The following DPYSL2 variants were observed in gnomAD, a reference collection of about 807,000 sequenced individuals.
The protein encoded by DPYSL2 is dihydropyrimidinase-related protein 2.
A neutral mutation model predicts 69.9 loss-of-function variants in DPYSL2; 13 were observed. That is an observed-to-expected ratio of 0.19 (90% CI 0.12 to 0.30). The LOEUF is 0.30. Ranked by LOEUF, DPYSL2 falls within the 10% of genes least tolerant of loss-of-function variation. The probability of loss-of-function intolerance (pLI) is 1.00; values close to 1 mark genes in which losing one functional copy is unlikely to be tolerated. For missense variants in DPYSL2, 587 were observed against 918.9 expected (o/e 0.64, Z 4.67); for synonymous variants, 326 against 359.1 (o/e 0.91, Z 1.04).
chr8:26,573,155 T>G (rs1801267169), intron 1 of DPYSL2, among the ~76,000 whole-genome samples: 1 of 152,240 alleles, frequency 6.6e-6, no homozygotes, highest in Non-Finnish European at 1.5e-5. Flanking sequence ...AATAAGCTGT[T>G]AATAATAACA....
At chr8:26,633,120 A>G (rs1802817774) in intron 7 of DPYSL2, among the ~76,000 whole-genome samples, 2 of 152,226 alleles carry the variant, frequency 1.3e-5, no homozygotes, top group African/African-American at 4.8e-5. Flanking sequence ...CCTAGACTGA[A>G]ATACCATGAA....
chr8:26,607,776 G>A (rs1802137999), intron 3 of DPYSL2, among the ~76,000 whole-genome samples: 2 of 150,006 alleles, frequency 1.3e-5, no homozygotes, highest in Non-Finnish European at 3.0e-5. Context: ...AAGACCCTGT[G>A]TCAAAAAGAA....
chr8:26,584,421 T>C (rs1296192175), intron 3 of DPYSL2, among the ~76,000 whole-genome samples: 1 of 152,156 alleles, frequency 6.6e-6, no homozygotes, highest in Non-Finnish European at 1.5e-5. Flanking sequence ...ACAAATGAAA[T>C]GCTGAAGCAG....
chr8:26,610,210 G>A lies in DPYSL2; in HGVS notation c.629-13933G>A, dbSNP rs899165157. Among the ~76,000 whole-genome samples, 1 of 152,196 alleles carries A rather than the reference G, an allele frequency of 6.6e-6. No individual in the cohort carries two copies. The highest frequency in any genetic ancestry group is 1.5e-5 in the Non-Finnish European group (1 of 68,038). ...GGGATGACATGAAGTCTGTTAATGC[G>A]GGATCGTTTGTGTTATCTGCTCTGA... On this transcript the variant is annotated intron_variant, in intron 3 of 13. Transcript: ENST00000521913. The surrounding 1 kb of genome is among the most constrained non-coding windows in gnomAD (Gnocchi z 4.5).
intron 1 of DPYSL2, among the ~76,000 whole-genome samples, chr8:26,551,631 A>T (rs1800876108): frequency 6.6e-6 from 1 of 152,312 alleles, no homozygotes; most frequent in East Asian, 1.9e-4. Context: ...TAGAATTCAC[A>T]TTCTTCTCAA....
intron 1 of DPYSL2, among the ~76,000 whole-genome samples, chr8:26,541,498 G>C (rs1563379724): frequency 6.6e-6 from 1 of 152,070 alleles, no homozygotes; most frequent in African/African-American, 2.4e-5. Flanking sequence ...ACACACATAA[G>C]CATATGAAAG....
At chr8:26,637,549 C>A (rs1034112887) in intron 8 of DPYSL2, 1 of 152,174 alleles carries the variant, frequency 6.6e-6, no homozygotes, top group Non-Finnish European at 1.5e-5. Context: ...ATGCTTGTGA[C>A]CTGTGTCTGT....
chr8:26,540,521 C>T (rs921564322), intron 1 of DPYSL2, among the ~76,000 whole-genome samples: 3 of 152,048 alleles, frequency 2.0e-5, no homozygotes, highest in African/African-American at 7.2e-5. Flanking sequence ...CTCAAAGATC[C>T]CCAAATAGGA....
rs187822779 is a variant in DPYSL2, at chr8:26,558,735, T to C, written c.355-23234T>C. On this transcript the variant is annotated intron_variant, in intron 1 of 13. Coordinates refer to ENST00000521913, the MANE Select transcript of DPYSL2 (RefSeq NM_001197293.3). ...GGGATATATGGGAATCTTGTTACTT[T>C]CTGCTCTTTTTCTGTAAACCTAAAC... Among the ~76,000 whole-genome samples the C allele has an allele frequency of 8.5e-5, 13 of 152,332 alleles. 1 individual carries two copies. The highest frequency in any genetic ancestry group is 1.8e-4 in the Non-Finnish European group (12 of 68,034).
At chr8:26,578,494 G>C in intron 1 of DPYSL2, 1 of 1,437,800 alleles carries the variant, frequency 7.0e-7, no homozygotes. Flanking sequence ...TCGTTTGCAA[G>C]GCATTAAACA....
At chr8:26,541,473 C>T (rs901085730) in intron 1 of DPYSL2, among the ~76,000 whole-genome samples, 3 of 152,114 alleles carry the variant, frequency 2.0e-5, no homozygotes, top group African/African-American at 4.8e-5. Context: ...ATAAAATTAT[C>T]CTAAACAGCA....
chr8:26,544,916 A>G (rs780075732), intron 1 of DPYSL2, among the ~76,000 whole-genome samples: 1 of 152,248 alleles, frequency 6.6e-6, no homozygotes, highest in Non-Finnish European at 1.5e-5. Context: ...CACAAGGAAG[A>G]TCATTTTATA....
chr8:26,577,948 G>A (rs1358178255), intron 1 of DPYSL2: 3 of 1,239,012 alleles, frequency 2.4e-6, no homozygotes, highest in Non-Finnish European at 3.0e-6. Context: ...GGCTTTTATT[G>A]CTGTAGTTTA....
intron 1 of DPYSL2, chr8:26,578,110 A>G: frequency 6.6e-7 from 1 of 1,519,792 alleles, no homozygotes; most frequent in Non-Finnish European, 8.7e-7. Context: ...GAAATTTCCT[A>G]ATAGCAAGAC....
intron 1 of DPYSL2, among the ~76,000 whole-genome samples, chr8:26,547,444 A>G (rs9314324): frequency 0.52 from 79,486 of 151,830 alleles, 21,680 homozygotes; most frequent in African/African-American, 0.67. Flanking sequence ...CATTGTATCC[A>G]CCCTTCAACA....
chr8:26,538,904 C>G (rs1261110809), intron 1 of DPYSL2, among the ~76,000 whole-genome samples: 22 of 152,174 alleles, frequency 1.4e-4, no homozygotes, highest in Admixed American at 1.3e-3. Flanking sequence ...CCCCAACAAC[C>G]CTCATCACAT....
chr8:26,589,085 C>T (rs12677999), intron 3 of DPYSL2, among the ~76,000 whole-genome samples: 57,095 of 152,046 alleles, frequency 0.38, 12,897 homozygotes, highest in East Asian at 0.69. Flanking sequence ...CAGTGACTCC[C>T]TCTTGCTCAG....
At chr8:26,569,104 C>G (rs1460457112) in intron 1 of DPYSL2, among the ~76,000 whole-genome samples, 2 of 152,076 alleles carry the variant, frequency 1.3e-5, no homozygotes, top group African/African-American at 4.8e-5. Flanking sequence ...CAACTGTAAT[C>G]CCACTGCTTT....
intron 1 of DPYSL2, among the ~76,000 whole-genome samples, chr8:26,558,098 T>C (rs1250169710): frequency 6.6e-6 from 1 of 152,116 alleles, no homozygotes; most frequent in Admixed American, 6.5e-5. Flanking sequence ...TTGGTATTTA[T>C]TCAAAGGAGA....
Sources: gnomAD v4.1 joint callset for allele counts (sites outside exome capture counted in the v4.1 genomes callset) on GRCh38, gnomAD v4.1.1 for gene constraint, Gnocchi (gnomAD v3.1) non-coding constraint, MANE v1.5 for transcripts, NCBI Gene and HGNC (gene_info 2026-07-23, HGNC 2026-07-21) for gene names.